Variants in USP42 observed in about 807,000 individuals in gnomAD.
USP42 encodes ubiquitin specific peptidase 42.
A neutral mutation model predicts 113.0 loss-of-function variants in USP42; 23 were observed. The observed-to-expected ratio is 0.20, with a 90% CI of 0.15 to 0.29. The LOEUF is 0.29. Among genes scored for constraint, USP42 ranks in the 10% least tolerant of loss-of-function variants. The pLI is 1.00. For missense variants in USP42, 2,174 were observed against 1,779.8 expected (o/e 1.22, Z -3.99); for synonymous variants, 933 against 699.0 (o/e 1.33, Z -5.28).
In USP42 at chr7:6,151,739, G is replaced by A. The variant is rs145964137; in HGVS notation, c.2201+1233G>A. Among the ~76,000 whole-genome samples, 519 of 152,272 alleles carry A rather than the reference G, an allele frequency of 3.4e-3. 3 individuals are homozygous for A. Among genetic ancestry groups the A allele is most frequent in the African/African-American group, 0.012 (491 of 41,544 alleles). On this transcript the variant is annotated intron_variant, in intron 14 of 17. Coordinates refer to ENST00000306177, the MANE Select transcript of USP42 (RefSeq NM_032172.3). ...ATTCCAGACGTGAGCCACCGTGCCC[G>A]GCCAGCAGAGTCGTTTATTGCCATT... is the stretch of plus-strand genomic sequence containing the variant.
chr7:6,118,827 C>T (rs1198985900), intron 3 of USP42, among the ~76,000 whole-genome samples: 1 of 152,066 alleles, frequency 6.6e-6, no homozygotes. Context: ...ATCAGTAAGC[C>T]ATATCAATAC....
At chr7:6,116,868 C>A (rs779539683) in intron 3 of USP42, 2 of 532,704 alleles carry the variant, frequency 3.8e-6, no homozygotes, top group Admixed American at 3.9e-5. Flanking sequence ...GGATGAAAAC[C>A]CAGCACTAGC....
In USP42 at chr7:6,140,134, C is replaced by G; in HGVS notation, c.663C>G (p.Asp221Glu). 6.2e-7 allele frequency: 1 copy of G among 1,613,954 alleles called. No individual in the cohort carries two copies. The highest frequency in any genetic ancestry group is 8.5e-7 in the Non-Finnish European group (1 of 1,179,822). Residue 221 changes from aspartate (D) to glutamate (E), a missense_variant, in exon 6 of 18, where the codon GAC becomes GAG. Asp to Glu is a conservative substitution (Grantham distance 45). Transcript: ENST00000306177. Reference protein sequence around the residue: ...KACLNGSNKLDRHTQATTLVC... With the variant: ...KACLNGSNKLERHTQATTLVC... ...ACTGTTCAACGTTTTTCAGATTAGA[C>G]AGACACACCCAGGCCACCACTCTTG... is the stretch of plus-strand genomic sequence containing the variant.
At chr7:6,142,721 C>CA (rs140131924) in intron 7 of USP42, among the ~76,000 whole-genome samples, 1 of 151,788 alleles carries the variant, frequency 6.6e-6, no homozygotes, top group African/African-American at 2.4e-5. Context: ...CCTGTCTCTA[C>CA]AAAAAAATGA....
In USP42 at chr7:6,150,253, C is replaced by T. The variant is rs768791900; in HGVS notation, c.2057C>T (p.Ala686Val). 1 of 1,613,674 alleles carries T rather than the reference C, an allele frequency of 6.2e-7. No homozygotes were observed. Among genetic ancestry groups the T allele is most frequent in the Non-Finnish European group, 8.5e-7 (1 of 1,179,858 alleles). The change falls in exon 13 of 18, where the codon GCC becomes GTC. Residue 686 changes from alanine (A) to valine (V), a missense_variant. By Grantham distance (64) the Ala-to-Val change is moderately conservative. Transcript: ENST00000306177. ...PDGASCQGQP[A>V]LHSENPFAKA... ...GGTGCCAGCTGCCAAGGCCAGCCTGCCCTGCACTCAGAAAATCCCTTTGCT... is the reference window on the plus strand; with the variant it reads ...GGTGCCAGCTGCCAAGGCCAGCCTGTCCTGCACTCAGAAAATCCCTTTGCT...
the USP42 span, among the ~76,000 whole-genome samples, chr7:6,097,143 C>T: frequency 6.6e-6 from 1 of 151,098 alleles, no homozygotes; most frequent in Non-Finnish European, 1.5e-5. Context: ...TCTGTAACAG[C>T]ATCTCCTGTT....
At chr7:6,084,762 A>T in the USP42 span, 1 of 145,326 alleles carries the variant, frequency 6.9e-6, no homozygotes, top group Non-Finnish European at 1.5e-5. Context: ...TCTGTCACCC[A>T]GCCTGGAGTG....
the USP42 span, among the ~76,000 whole-genome samples, chr7:6,096,612 A>C: frequency 2.0e-5 from 3 of 151,524 alleles, no homozygotes; most frequent in East Asian, 5.8e-4. Context: ...GGTTTGGGGA[A>C]GAACAGGTGC....
chr7:6,113,781 C>T (rs182429882), intron 2 of USP42, among the ~76,000 whole-genome samples: 378 of 152,200 alleles, frequency 2.5e-3, no homozygotes, highest in African/African-American at 8.7e-3. Flanking sequence ...GCCACCACAC[C>T]TGGCTAATTT....
chr7:6,131,788 C>T (rs905237874), intron 3 of USP42, among the ~76,000 whole-genome samples: 6 of 152,144 alleles, frequency 3.9e-5, no homozygotes, highest in Non-Finnish European at 8.8e-5. Context: ...CTTTCACAGC[C>T]TTTTAAGGTT....
chr7:6,090,735 C>CT, the USP42 span, among the ~76,000 whole-genome samples: 1 of 145,048 alleles, frequency 6.9e-6, no homozygotes, highest in Non-Finnish European at 1.5e-5. Flanking sequence ...AAAAACAAAA[C>CT]TAACTATATA....
intron 2 of USP42, 95 bp from the exon 3 acceptor site, chr7:6,115,228 A>T (rs565145644): frequency 7.9e-7 from 1 of 1,259,644 alleles, no homozygotes; most frequent in East Asian, 2.3e-5. Context: ...GAGATTTCGG[A>T]TCTTGTAAAG....
chr7:6,125,129 C>T (rs1407293606), intron 3 of USP42, among the ~76,000 whole-genome samples: 1 of 145,482 alleles, frequency 6.9e-6, no homozygotes, highest in African/African-American at 2.6e-5. Context: ...TTCAGTGAGC[C>T]GAGATTGCAC....
At chr7:6,081,948 A>C in the USP42 span, 1 of 152,162 alleles carries the variant, frequency 6.6e-6, no homozygotes, top group African/African-American at 2.4e-5. Flanking sequence ...GTTGCAGAAC[A>C]ACACATAAAA....
rs1781697807 is a variant in USP42, at chr7:6,146,014, A to G, written c.1132-134A>G. ...GAACCCAGGAGGTGGAGATTGCAAG[A>G]TCACGCCACTGCACTCCAGCCTGGG... On this transcript the variant is annotated intron_variant, in intron 10 of 17. Coordinates refer to ENST00000306177, the MANE Select transcript of USP42 (RefSeq NM_032172.3). 9 of 730,204 alleles carry G rather than the reference A, an allele frequency of 1.2e-5. No individual in the cohort carries two copies. The African/African-American group carries it at 1.6e-4, about 13-fold the overall frequency. 45.2% of individuals were successfully genotyped at this position (730,204 alleles called of 1,614,324 possible).
intron 9 of USP42, among the ~76,000 whole-genome samples, chr7:6,145,242 A>G (rs1284292099): frequency 6.6e-6 from 1 of 152,088 alleles, no homozygotes; most frequent in African/African-American, 2.4e-5. Context: ...GAGGCAGGAC[A>G]ATCACTTGAA....
intron 15 of USP42, 126 bp downstream of exon 15, chr7:6,155,321 C>G (rs2128523730): frequency 7.2e-7 from 1 of 1,388,536 alleles, no homozygotes; most frequent in Non-Finnish European, 9.3e-7. Flanking sequence ...TGATTTGTGT[C>G]TTTCATTTCT....
At chr7:6,106,745 T>A (rs932284679) in intron 1 of USP42, among the ~76,000 whole-genome samples, 1 of 150,906 alleles carries the variant, frequency 6.6e-6, no homozygotes. Context: ...TTTTTTTTTT[T>A]CTTAAAGAGA....
At position 6,153,669 on chromosome 7, in the gene USP42, G is replaced by C. The variant is rs1583684349; in HGVS notation, c.2202-87G>C. On this transcript the variant is annotated intron_variant, in intron 14 of 17. Transcript: ENST00000306177. ...TAAAGAGACGAAATAGCAAATGAAC[G>C]TTTTGAAGTATTTGTCCTTGTAATG... The C allele has an allele frequency of 2.2e-6, 3 of 1,355,462 alleles. No homozygotes were observed. In the African/African-American group the frequency reaches 4.6e-5, roughly 21 times the overall value. The allele number at this position is 1,355,462 out of a possible 1,614,324, so 84.0% of individuals were successfully genotyped here. A position where few individuals can be genotyped will look rare whatever the true frequency, so the allele number is the denominator to read the frequency against.
Sources: allele counts gnomAD v4.1 joint callset (sites outside exome capture counted in the v4.1 genomes callset), GRCh38; gene constraint gnomAD v4.1.1; transcripts MANE v1.5; gene names NCBI Gene and HGNC (gene_info 2026-07-23, HGNC 2026-07-21).